MAST4: variants seen among roughly 807,000 people sequenced by gnomAD.
The protein encoded by MAST4 is microtubule-associated serine/threonine-protein kinase 4.
MAST4 carries 89 observed loss-of-function variants against 162.7 expected under a neutral mutation model. That is an observed-to-expected ratio of 0.55 (90% CI 0.46 to 0.65). MAST4 has a LOEUF of 0.65. Among genes scored for constraint, MAST4 ranks in the 30% least tolerant of loss-of-function variants. The pLI is 0.00. For synonymous variants in MAST4, 1,479 were observed against 1,361.1 expected (o/e 1.09, Z -1.91); for missense variants, 3,153 against 3,374.0 (o/e 0.93, Z 1.62).
Position 67,104,487 on chromosome 5 carries a change from G to T in MAST4, c.1268G>T (p.Arg423Leu), listed in dbSNP as rs779229872. Residue 423 changes from arginine to leucine, a missense_variant, in exon 10 of 29, where the codon CGA becomes CTA. Around this residue, in one of 7 missense-constraint regions of MAST4, gnomAD observed 360 missense variants for 450.0 expected, o/e 0.80. Coordinates refer to ENST00000403625, the MANE Select transcript of MAST4 (RefSeq NM_001164664.2). Reference sequence around the variant, plus strand: ...CACCACCAGATTATTGAACTGGCTCGAGATTGCTTGGATAAATCCCACCAG... The same window carrying T: ...CACCACCAGATTATTGAACTGGCTCTAGATTGCTTGGATAAATCCCACCAG... ...FTHHQIIELA[R>L]DCLDKSHQGL... 2.5e-6 allele frequency: 4 copies of T among 1,613,752 alleles called. No individual in the cohort carries two copies. Among genetic ancestry groups the T allele is most frequent in the Non-Finnish European group, 3.4e-6 (4 of 1,179,838 alleles).
chr5:66,900,614 G>A (rs1179126931), intron 4 of MAST4, among the ~76,000 whole-genome samples: 1 of 152,002 alleles, frequency 6.6e-6, no homozygotes, highest in South Asian at 2.1e-4. Context: ...CCTCAATTAA[G>A]GTCGAATTTG....
chr5:66,808,255 C>T (rs1756302865), intron 3 of MAST4, among the ~76,000 whole-genome samples: 1 of 152,142 alleles, frequency 6.6e-6, no homozygotes, highest in African/African-American at 2.4e-5. Flanking sequence ...CAGGGGGACT[C>T]GTGGATAGTG....
chr5:66,887,044 C>G (rs1037424612), intron 3 of MAST4, among the ~76,000 whole-genome samples: 6 of 151,916 alleles, frequency 3.9e-5, no homozygotes, highest in Non-Finnish European at 5.9e-5. Flanking sequence ...GCTTTTGATG[C>G]TTTTTTTAAA....
At chr5:66,845,481 A>G (rs1368903249) in intron 3 of MAST4, among the ~76,000 whole-genome samples, 7 of 152,050 alleles carry the variant, frequency 4.6e-5, no homozygotes, top group African/African-American at 1.2e-4. Context: ...TCCATGGTGT[A>G]TATGTGTCAC....
intron 1 of MAST4, among the ~76,000 whole-genome samples, chr5:66,647,819 G>T (rs1344016863): frequency 6.6e-6 from 1 of 152,054 alleles, no homozygotes; most frequent in Non-Finnish European, 1.5e-5. Flanking sequence ...CACTTTTCAT[G>T]CCTCTACTCT....
intron 1 of MAST4, among the ~76,000 whole-genome samples, chr5:66,669,530 C>A (rs181333874): frequency 2.4e-4 from 37 of 152,290 alleles, no homozygotes; most frequent in African/African-American, 8.7e-4. Context: ...ATTCTCCCTC[C>A]TGGGCTCAGC....
intron 3 of MAST4, among the ~76,000 whole-genome samples, chr5:66,840,727 A>T (rs1255382905): frequency 6.6e-6 from 1 of 152,178 alleles, no homozygotes; most frequent in Non-Finnish European, 1.5e-5. Context: ...CTTGAGAAGA[A>T]TATACCCAGG....
chr5:66,648,083 T>TGTGTGAGAGA (rs1229070126), intron 1 of MAST4, among the ~76,000 whole-genome samples: 1 of 87,068 alleles, frequency 1.1e-5, no homozygotes, highest in African/African-American at 4.3e-5. Flanking sequence ...TGTGTGTGTG[T>TGTGTGAGAGA]GAGAGAGAGA....
At chr5:66,834,104 G>A (rs866037946) in intron 3 of MAST4, among the ~76,000 whole-genome samples, 46 of 152,150 alleles carry the variant, frequency 3.0e-4, no homozygotes, top group African/African-American at 9.9e-4. Flanking sequence ...AATTAAATAC[G>A]GGTATCAGGC....
At chr5:67,036,374 A>C (rs1171301232) in intron 4 of MAST4, among the ~76,000 whole-genome samples, 1 of 152,182 alleles carries the variant, frequency 6.6e-6, no homozygotes, top group Non-Finnish European at 1.5e-5. Context: ...CTAGAGTACA[A>C]GCATACCTAC....
intron 3 of MAST4, among the ~76,000 whole-genome samples, chr5:66,854,383 A>G (rs1237652504): frequency 3.9e-5 from 6 of 152,172 alleles, no homozygotes; most frequent in Non-Finnish European, 7.3e-5. Context: ...AATATTTACC[A>G]TGTCATAGTT....
At chr5:66,792,098 T>G (rs1453252902) in intron 3 of MAST4, 1 of 163,006 alleles carries the variant, frequency 6.1e-6, no homozygotes, top group Non-Finnish European at 1.5e-5. Flanking sequence ...CTCTGCCGAT[T>G]ACAACTAATA....
intron 3 of MAST4, among the ~76,000 whole-genome samples, chr5:66,853,911 A>C (rs962803059): frequency 6.6e-6 from 1 of 152,196 alleles, no homozygotes; most frequent in African/African-American, 2.4e-5. Context: ...TATTTAATAA[A>C]TTACTTAAAG....
At chr5:67,054,244 T>C (rs1019539577) in intron 4 of MAST4, among the ~76,000 whole-genome samples, 160 bp from the exon 5 acceptor site, 2 of 152,226 alleles carry the variant, frequency 1.3e-5, no homozygotes, top group Non-Finnish European at 2.9e-5. Flanking sequence ...ATTCAAGAGG[T>C]AGCCACCCCT....
intron 4 of MAST4, among the ~76,000 whole-genome samples, chr5:66,933,352 C>A (rs550042739): frequency 1.3e-5 from 2 of 152,284 alleles, no homozygotes; most frequent in African/African-American, 4.8e-5. Flanking sequence ...TCAGCAAAAC[C>A]TATTAATAAT....
chr5:66,799,501 T>C (rs1755813681), intron 3 of MAST4, among the ~76,000 whole-genome samples: 1 of 152,208 alleles, frequency 6.6e-6, no homozygotes, highest in African/African-American at 2.4e-5. Flanking sequence ...GATATTTCCT[T>C]GGGTGGGTTC....
chr5:66,781,665 CTG>C (rs1754876634), intron 2 of MAST4, among the ~76,000 whole-genome samples: 1 of 152,150 alleles, frequency 6.6e-6, no homozygotes, highest in African/African-American at 2.4e-5. Flanking sequence ...TCCTCTATGA[CTG>C]AGAACCAGAA....
intron 10 of MAST4, among the ~76,000 whole-genome samples, chr5:67,108,761 C>A (rs1765880083): frequency 6.6e-6 from 1 of 152,116 alleles, no homozygotes; most frequent in African/African-American, 2.4e-5. Context: ...CATATTACTT[C>A]TGAGTACAAT....
At chr5:66,668,137 C>A (rs1442506895) in intron 1 of MAST4, among the ~76,000 whole-genome samples, 1 of 152,090 alleles carries the variant, frequency 6.6e-6, no homozygotes, top group African/African-American at 2.4e-5. Context: ...ATGATAACAA[C>A]TGGAAATGTA....
Sources: allele counts gnomAD v4.1 joint callset (sites outside exome capture counted in the v4.1 genomes callset), GRCh38; gene constraint gnomAD v4.1.1; regional missense constraint gnomAD v4.1.1; transcripts MANE v1.5; gene names NCBI Gene and HGNC (gene_info 2026-07-23, HGNC 2026-07-21).